The following PLSCR1 variants were observed in gnomAD, a reference collection of about 807,000 sequenced individuals.
PLSCR1 encodes the protein phospholipid scramblase 1, also known as PL scramblase 1.
PLSCR1 carries 17 observed loss-of-function variants against 37.8 expected under a neutral mutation model. The observed-to-expected ratio is 0.45, with a 90% CI of 0.31 to 0.68. The LOEUF (loss-of-function observed/expected upper bound fraction) is 0.68, where lower values mean the gene tolerates loss of function less well. Ranked by LOEUF, PLSCR1 falls within the 30% of genes least tolerant of loss-of-function variation. The probability of loss-of-function intolerance (pLI) is 0.06; values close to 1 mark genes in which losing one functional copy is unlikely to be tolerated. For missense variants in PLSCR1, 347 were observed against 380.9 expected (o/e 0.91, Z 0.74); for synonymous variants, 116 against 125.9 (o/e 0.92, Z 0.53).
chr3:146,525,417 A>T (rs1180242012), intron 5 of PLSCR1, 188 bp downstream of exon 5: 2 of 524,624 alleles, frequency 3.8e-6, no homozygotes, highest in African/African-American at 4.0e-5. Context: ...CAGGTGCCCA[A>T]CATAACAGCA....
At position 146,544,469 on chromosome 3, in the gene PLSCR1, C is replaced by T. The variant is rs1449715897; in HGVS notation, c.-16G>A. On this transcript the variant is annotated splice_region_variant and 5_prime_UTR_variant, in exon 1 of 9. Transcript: ENST00000342435. ...GGCAGAGAAAGCCGCCCGCGCACCTCTGGCTGCCGCTGTTTCCGCTCCCGA... is the reference window on the plus strand; with the variant it reads ...GGCAGAGAAAGCCGCCCGCGCACCTTTGGCTGCCGCTGTTTCCGCTCCCGA... 1 of 152,422 alleles carries T rather than the reference C, an allele frequency of 6.6e-6. No individual in the cohort carries two copies. Among genetic ancestry groups the T allele is most frequent in the African/African-American group, 2.4e-5 (1 of 41,474 alleles). 9.4% of individuals were successfully genotyped at this position (152,422 alleles called of 1,614,324 possible).
At chr3:146,524,732 T>C (rs1397665648) in intron 5 of PLSCR1, among the ~76,000 whole-genome samples, 1 of 152,156 alleles carries the variant, frequency 6.6e-6, no homozygotes, top group African/African-American at 2.4e-5. Context: ...TAAATAATAA[T>C]GTGCTTTACA....
intron 1 of PLSCR1, among the ~76,000 whole-genome samples, chr3:146,538,541 C>T (rs569507489): frequency 6.6e-6 from 1 of 151,950 alleles, no homozygotes; most frequent in Non-Finnish European, 1.5e-5. Flanking sequence ...CTATAACATG[C>T]TTAGCTTAAA....
chr3:146,539,958 C>T (rs1296273494), intron 1 of PLSCR1, among the ~76,000 whole-genome samples: 3 of 152,110 alleles, frequency 2.0e-5, no homozygotes, highest in Non-Finnish European at 4.4e-5. Flanking sequence ...TATAATGATC[C>T]TTTGGGTTTT....
At chr3:146,522,671 G>A (rs954356813) in intron 5 of PLSCR1, among the ~76,000 whole-genome samples, 1 of 152,080 alleles carries the variant, frequency 6.6e-6, no homozygotes, top group Non-Finnish European at 1.5e-5. Context: ...CCACCAGTCC[G>A]ACACCCGTAA....
chr3:146,543,663 C>G (rs1414031314), intron 1 of PLSCR1, among the ~76,000 whole-genome samples: 1 of 152,238 alleles, frequency 6.6e-6, no homozygotes, highest in Non-Finnish European at 1.5e-5. Context: ...CTTGGAGAAG[C>G]AGGAACTTTG....
chr3:146,532,726 C>T (rs2044216263), intron 3 of PLSCR1, among the ~76,000 whole-genome samples: 1 of 152,148 alleles, frequency 6.6e-6, no homozygotes, highest in Non-Finnish European at 1.5e-5. Flanking sequence ...TGTGGGTAGC[C>T]TGTCTGCTTG....
rs1420535911 is a variant in PLSCR1 at position 146,525,585 on chromosome 3, T to G, written c.355+20A>C. 1 of 1,324,400 alleles carries G rather than the reference T, an allele frequency of 7.6e-7. No homozygotes were observed. The highest frequency in any genetic ancestry group is 1.1e-6 in the Non-Finnish European group (1 of 922,604). The allele number at this position is 1,324,400 out of a possible 1,614,324, so 82.0% of individuals were successfully genotyped here. ...ACTTCTACTCTTTATAGAAACAGGA[T>G]TAAAACAATGAATACATACCTTCCA... On this transcript the variant is annotated intron_variant, in intron 5 of 8. Coordinates refer to ENST00000342435, the MANE Select transcript of PLSCR1 (RefSeq NM_021105.3).
intron 5 of PLSCR1, 63 bp from the exon 6 acceptor site, chr3:146,522,116 T>C: frequency 1.1e-6 from 1 of 947,942 alleles, no homozygotes; most frequent in Non-Finnish European, 1.7e-6. Flanking sequence ...TTTATCCAGA[T>C]ATTATAATAT....
rs80176776 is a variant in PLSCR1 at position 146,536,632 on chromosome 3, C to A, written c.-13-67G>T. On this transcript the variant is annotated intron_variant, in intron 1 of 8. Transcript: ENST00000342435. ...CACAAGTCAAATATAACAGTTGAAT[C>A]GGGATACTCTAAAACTACACAGTCA... is the stretch of plus-strand genomic sequence containing the variant. 5.0e-3 allele frequency: 4,556 copies of A among 903,532 alleles called. 142 individuals carry two copies. In the African/African-American group the frequency reaches 0.066, roughly 13 times the overall value. 56.0% of individuals were successfully genotyped at this position (903,532 alleles called of 1,614,324 possible).
At chr3:146,533,206 C>T (rs2044221431) in intron 3 of PLSCR1, among the ~76,000 whole-genome samples, 1 of 152,028 alleles carries the variant, frequency 6.6e-6, no homozygotes, top group South Asian at 2.1e-4. Context: ...AAATGTAAAC[C>T]TAATGTTGTT....
intron 5 of PLSCR1, among the ~76,000 whole-genome samples, chr3:146,523,314 G>A (rs1293819755): frequency 1.3e-5 from 2 of 152,128 alleles, no homozygotes; most frequent in African/African-American, 2.4e-5. Flanking sequence ...CTGAGAGTTG[G>A]GGCAATGCTG....
At chr3:146,517,962 T>C (rs576276804) in intron 7 of PLSCR1, among the ~76,000 whole-genome samples, 78 of 152,304 alleles carry the variant, frequency 5.1e-4, no homozygotes, top group African/African-American at 1.9e-3. Context: ...CAGAGGAGTG[T>C]CCTTTTCAGC....
Position 146,517,072 on chromosome 3 carries a change from T to A in PLSCR1, c.834A>T (p.Gly278=). 6.2e-7 allele frequency: 1 copy of A among 1,604,704 alleles called. No homozygotes were observed. Among genetic ancestry groups the A allele is most frequent in the Non-Finnish European group, 8.5e-7 (1 of 1,174,560 alleles). Residue 278 remains glycine (G), a synonymous_variant, in exon 8 of 9, where the codon GGA becomes GGT. Coordinates refer to ENST00000342435, the MANE Select transcript of PLSCR1 (RefSeq NM_021105.3). The part of the protein sequence containing the change: ...REAFTDADNF[G]IQFPLDLDVK... The stretch of plus-strand genomic sequence containing the variant: ...CATCAAGGTCTAAAGGGAACTGGAT[T>A]CCAAAGTTATCAGCGTCTGTAAATG...
At chr3:146,524,938 T>C (rs919638418) in intron 5 of PLSCR1, among the ~76,000 whole-genome samples, 3 of 152,316 alleles carry the variant, frequency 2.0e-5, no homozygotes, top group African/African-American at 2.4e-5. Context: ...GAAAACACTA[T>C]GGTTCATAAA....
In PLSCR1 at chr3:146,528,651, G is replaced by A. The variant is rs750809213; in HGVS notation, c.275C>T (p.Pro92Leu). Residue 92 changes from proline to leucine, a missense_variant, in exon 4 of 9, where the codon CCA becomes CTA. Pro to Leu is a moderately conservative substitution (Grantham distance 98). Transcript: ENST00000342435. ...GVPWMPAPQP[P>L]LNCPPGLEYL... is the part of the protein sequence containing the mutation. Reference sequence around the variant, plus strand: ...TTCTAATCCAGGTGGACAGTTTAATGGAGGCTGTGGCGCTGGCATCCATGG... The same window carrying A: ...TTCTAATCCAGGTGGACAGTTTAATAGAGGCTGTGGCGCTGGCATCCATGG... The A allele has an allele frequency of 3.1e-6, 5 of 1,613,948 alleles. No individual in the cohort carries two copies. The East Asian group carries it at 1.1e-4, about 36-fold the overall frequency.
intron 4 of PLSCR1, among the ~76,000 whole-genome samples, chr3:146,526,201 A>G (rs1367310250): frequency 3.0e-4 from 45 of 148,374 alleles, no homozygotes; most frequent in South Asian, 6.3e-4. Flanking sequence ...AAAAAAAAAA[A>G]AAAGAAAGAA....
At chr3:146,520,403 A>C (rs1285513930) in intron 7 of PLSCR1, among the ~76,000 whole-genome samples, 2 of 152,126 alleles carry the variant, frequency 1.3e-5, no homozygotes, top group Non-Finnish European at 2.9e-5. Context: ...ACTTCTCTGG[A>C]TGTAGGACAG....
intron 4 of PLSCR1, among the ~76,000 whole-genome samples, chr3:146,526,600 G>A (rs2044119967): frequency 6.6e-6 from 1 of 152,032 alleles, no homozygotes. Context: ...GCTTATTGCA[G>A]CACTAACAGT....
Sources: gnomAD v4.1 joint callset for allele counts (sites outside exome capture counted in the v4.1 genomes callset) on GRCh38, gnomAD v4.1.1 for gene constraint, MANE v1.5 for transcripts, NCBI Gene and HGNC (gene_info 2026-07-23, HGNC 2026-07-21) for gene names.